The following SERINC5 variants were observed in gnomAD, a reference collection of about 807,000 sequenced individuals.
The protein encoded by SERINC5 is chromosome 5 open reading frame 12.
A neutral mutation model predicts 63.1 loss-of-function variants in SERINC5; 41 were observed. The ratio of observed to expected loss-of-function variants is 0.65; its 90% confidence interval spans 0.51 to 0.84. The LOEUF (loss-of-function observed/expected upper bound fraction) is 0.84, where lower values mean the gene tolerates loss of function less well. Ranked by LOEUF, SERINC5 falls within the 40% of genes least tolerant of loss-of-function variation. The pLI is 0.00. For missense variants in SERINC5, 523 were observed against 573.0 expected, an observed-to-expected ratio of 0.91 and a Z score of 0.89; for synonymous variants, 222 against 215.2, an observed-to-expected ratio of 1.03 and a Z score of -0.28.
rs545240081 is a variant in SERINC5 at position 80,178,047 on chromosome 5, A to G, written c.213T>C (p.Asp71=). ...CACCAGCTTTAATGCCTTTACACAT[A>G]TCTTCAAAAAAAGGAATCTGAGGAG... ...KMKEHIPFFE[D]MCKGIKAGDT... Residue 71 remains aspartate (D), a synonymous_variant, in exon 3 of 12, where the codon GAT becomes GAC. Transcript: ENST00000507668. 8.1e-6 allele frequency: 13 copies of G among 1,596,702 alleles called. No individual in the cohort carries two copies. The African/African-American group carries it at 1.1e-4, about 13-fold the overall frequency.
intron 11 of SERINC5, among the ~76,000 whole-genome samples, chr5:80,144,148 T>C (rs548096694): frequency 6.6e-6 from 1 of 152,330 alleles, no homozygotes; most frequent in East Asian, 1.9e-4. Flanking sequence ...GGCATACAAT[T>C]TCCAAGGCTC....
chr5:80,218,259 G>A (rs1388254996), intron 1 of SERINC5, among the ~76,000 whole-genome samples: 1 of 152,180 alleles, frequency 6.6e-6, no homozygotes, highest in Admixed American at 6.5e-5. Flanking sequence ...CGGTGTTCCT[G>A]GCTGGGCGCA....
intron 12 of SERINC5, chr5:80,113,486 G>A (rs1315390537): frequency 2.5e-5 from 4 of 162,156 alleles, no homozygotes; most frequent in Non-Finnish European, 5.4e-5. Context: ...GGGAACGAGG[G>A]GATATGCATT....
At chr5:80,197,988 C>T (rs1243893935) in intron 2 of SERINC5, among the ~76,000 whole-genome samples, 2 of 151,962 alleles carry the variant, frequency 1.3e-5, no homozygotes, top group African/African-American at 2.4e-5. Flanking sequence ...TACAGGTGCA[C>T]ACCACCACAC....
intron 2 of SERINC5, among the ~76,000 whole-genome samples, chr5:80,194,195 G>A (rs1412865802): frequency 6.6e-6 from 1 of 152,180 alleles, no homozygotes; most frequent in Non-Finnish European, 1.5e-5. Context: ...AAAGAACTGG[G>A]TCAGCAATAT....
intron 11 of SERINC5, among the ~76,000 whole-genome samples, chr5:80,113,990 G>T (rs957901240): frequency 6.6e-6 from 1 of 151,926 alleles, no homozygotes; most frequent in Non-Finnish European, 1.5e-5. Context: ...CCATCTCTGG[G>T]TGTCCTCAAG....
At chr5:80,172,179 A>C (rs777431912) in intron 5 of SERINC5, among the ~76,000 whole-genome samples, 14 of 151,988 alleles carry the variant, frequency 9.2e-5, no homozygotes, top group Non-Finnish European at 1.9e-4. Flanking sequence ...AAAATACAAA[A>C]ATTATCCGGG....
At chr5:80,181,532 G>A (rs534115794) in intron 2 of SERINC5, among the ~76,000 whole-genome samples, 75 of 152,084 alleles carry the variant, frequency 4.9e-4, no homozygotes, top group Non-Finnish European at 7.2e-4. Flanking sequence ...CAAAGTGCTG[G>A]GATTACAGGT....
At chr5:80,208,319 T>C (rs1242348317) in intron 1 of SERINC5, among the ~76,000 whole-genome samples, 1 of 150,170 alleles carries the variant, frequency 6.7e-6, no homozygotes, top group East Asian at 1.9e-4. Flanking sequence ...GGGAGGTATA[T>C]GGGAACTCTC....
chr5:80,236,914 T>C (rs562466833), intron 1 of SERINC5, among the ~76,000 whole-genome samples: 5 of 151,994 alleles, frequency 3.3e-5, no homozygotes, highest in South Asian at 2.1e-4. Context: ...CAATGGTGCA[T>C]TGTCATCTCA....
intron 11 of SERINC5, among the ~76,000 whole-genome samples, chr5:80,117,592 G>A (rs1299877563): frequency 1.5e-5 from 2 of 136,362 alleles, no homozygotes; most frequent in Non-Finnish European, 3.1e-5. Flanking sequence ...CTGCCTTGTG[G>A]TTTTGCTCTT....
chr5:80,233,625 T>TTAAATAGGAAGTATCCTATAAA (rs1203637298), intron 1 of SERINC5, among the ~76,000 whole-genome samples: 4 of 151,910 alleles, frequency 2.6e-5, no homozygotes, highest in South Asian at 2.1e-4. Flanking sequence ...ACTTGTTAAT[T>TTAAATAGGAAGTATCCTATAAA]TAAATAGGAA....
Position 80,143,784 on chromosome 5 carries a change from A to T in SERINC5, c.1265T>A (p.Phe422Tyr). The part of the protein sequence containing the change: ...FNYESANIES[F>Y]FSGSWSIFWV... ...GAAGATGGACCAGCTCCCGCTGAAG[A>T]AGCTCTCGATGTTGGCACTTTCGTA... The change falls in exon 12 of 12, where the codon TTC becomes TAC. Residue 422 changes from phenylalanine (F) to tyrosine (Y), a missense_variant. Transcript: ENST00000507668. 6.5e-7 allele frequency: 1 copy of T among 1,536,156 alleles called. No individual in the cohort carries two copies. The highest frequency in any genetic ancestry group is 8.7e-7 in the Non-Finnish European group (1 of 1,146,886).
rs563096022 is a variant in SERINC5, at chr5:80,118,919, G to A, written c.1239-5294C>T. ...ATCATCTCCCAAATACCATCACCCT[G>A]GGGGCTGGGATTTCAGCATATAAAT... On this transcript the variant is annotated intron_variant, in intron 11 of 12. Transcript: ENST00000509193. Among the ~76,000 whole-genome samples, 8 of 151,950 alleles carry A rather than the reference G, an allele frequency of 5.3e-5. No individual in the cohort carries two copies. In the South Asian group the frequency reaches 1.7e-3, roughly 32 times the overall value.
At chr5:80,200,717 G>A (rs1320654280) in intron 2 of SERINC5, among the ~76,000 whole-genome samples, 1 of 152,144 alleles carries the variant, frequency 6.6e-6, no homozygotes, top group Non-Finnish European at 1.5e-5. Flanking sequence ...GAAAGCTTCA[G>A]AAGGCCTATT....
chr5:80,196,835 G>C (rs771267412), intron 2 of SERINC5, among the ~76,000 whole-genome samples: 2 of 151,894 alleles, frequency 1.3e-5, no homozygotes, highest in Non-Finnish European at 2.9e-5. Flanking sequence ...AGCTACTCAG[G>C]AGGCCGAGGA....
intron 11 of SERINC5, among the ~76,000 whole-genome samples, chr5:80,144,419 A>C (rs1937613664): frequency 6.6e-6 from 1 of 152,230 alleles, no homozygotes; most frequent in African/African-American, 2.4e-5. Context: ...TTAATTGTTT[A>C]AGGAGATGCC....
intron 8 of SERINC5, among the ~76,000 whole-genome samples, chr5:80,156,067 A>G (rs1746500904): frequency 6.6e-6 from 1 of 152,140 alleles, no homozygotes; most frequent in Non-Finnish European, 1.5e-5. Context: ...AGGGAAAGAG[A>G]GGAGCTAGGG....
chr5:80,194,868 C>T lies in SERINC5; in HGVS notation c.195+8018G>A, dbSNP rs138911230. Among the ~76,000 whole-genome samples the T allele has an allele frequency of 3.3e-3, 506 of 152,286 alleles. 4 individuals are homozygous for T. Among genetic ancestry groups the T allele is most frequent in the African/African-American group, 0.012 (488 of 41,564 alleles). ...GCCAGGCGACCAGCAGCCCTGGGTTCTAATCCCAGATATACCTGGTGTCTC... is the reference window on the plus strand; with the variant it reads ...GCCAGGCGACCAGCAGCCCTGGGTTTTAATCCCAGATATACCTGGTGTCTC... On this transcript the variant is annotated intron_variant, in intron 2 of 11. Coordinates refer to ENST00000507668, the MANE Select transcript of SERINC5 (RefSeq NM_001174072.3).
Sources: gnomAD v4.1 joint callset for allele counts (sites outside exome capture counted in the v4.1 genomes callset) on GRCh38, gnomAD v4.1.1 for gene constraint, MANE v1.5 for transcripts, NCBI Gene and HGNC (gene_info 2026-07-23, HGNC 2026-07-21) for gene names.